PPARG: variants seen among roughly 807,000 people sequenced by gnomAD.
PPARG encodes peroxisome proliferator-activated receptor gamma.
Under a neutral mutation model 39.2 loss-of-function variants are expected in PPARG, and 17 were observed. The ratio of observed to expected loss-of-function variants is 0.43; its 90% CI spans 0.30 to 0.65. The LOEUF (loss-of-function observed/expected upper bound fraction) is 0.65. Among genes scored for constraint, PPARG ranks in the 30% least tolerant of loss-of-function variants. PPARG has a pLI of 0.13. For missense variants in PPARG, 406 were observed against 585.9 expected, an observed-to-expected ratio of 0.69 and a Z score of 3.17; for synonymous variants, 223 against 215.7, an observed-to-expected ratio of 1.03 and a Z score of -0.30.
intron 2 of PPARG, among the ~76,000 whole-genome samples, chr3:12,357,062 C>T (rs955324910): frequency 2.6e-5 from 4 of 152,114 alleles, no homozygotes; most frequent in Non-Finnish European, 4.4e-5. Flanking sequence ...TCCAGGACAC[C>T]GTCTGTGCCT....
At chr3:12,335,571 C>T (rs1023236832) in intron 2 of PPARG, among the ~76,000 whole-genome samples, 2 of 152,100 alleles carry the variant, frequency 1.3e-5, no homozygotes, top group African/African-American at 4.8e-5. Flanking sequence ...GTAATTGAAA[C>T]GGGCATTACT....
intron 2 of PPARG, among the ~76,000 whole-genome samples, chr3:12,343,558 A>G (rs1041957674): frequency 6.6e-6 from 1 of 152,230 alleles, no homozygotes; most frequent in Non-Finnish European, 1.5e-5. Context: ...GTACTGCAGT[A>G]GAGGCAGAAT....
At chr3:12,369,983 G>C (rs570232504) in intron 2 of PPARG, among the ~76,000 whole-genome samples, 2 of 152,218 alleles carry the variant, frequency 1.3e-5, no homozygotes, top group East Asian at 3.9e-4. Flanking sequence ...TGTATCTGTA[G>C]CCTGGGACTA....
intron 2 of PPARG, among the ~76,000 whole-genome samples, chr3:12,336,964 A>G (rs866777725): frequency 3.4e-4 from 51 of 152,234 alleles, no homozygotes; most frequent in Admixed American, 2.9e-3. Context: ...CAATCAATCA[A>G]TCAAGTCTTG....
At chr3:12,308,095 T>C (rs2047122950) in intron 1 of PPARG, among the ~76,000 whole-genome samples, 1 of 152,084 alleles carries the variant, frequency 6.6e-6, no homozygotes, top group Non-Finnish European at 1.5e-5. Flanking sequence ...CCGTGCACAG[T>C]GACTCACACC....
intron 2 of PPARG, among the ~76,000 whole-genome samples, chr3:12,373,328 G>A (rs2049287987): frequency 6.6e-6 from 1 of 152,080 alleles, no homozygotes; most frequent in Admixed American, 6.5e-5. Flanking sequence ...GTGTGTTTGG[G>A]CAATGTTTTC....
chr3:12,400,287 GTT>G (rs2050426383), intron 5 of PPARG, among the ~76,000 whole-genome samples: 1 of 152,290 alleles, frequency 6.6e-6, no homozygotes, highest in East Asian at 1.9e-4. Flanking sequence ...TTAGGTAGAT[GTT>G]TTAAAAACAT....
Position 12,389,768 on chromosome 3 carries a change from A to G in PPARG, c.391-2846A>G, listed in dbSNP as rs143086128. On this transcript the variant is annotated intron_variant, in intron 4 of 7. Transcript: ENST00000651735. The stretch of plus-strand genomic sequence containing the variant: ...AAAAAAGAGCCAGGTATGGTGGTGC[A>G]TGCCTATAATCCCAGCTACCCAGAA... 8.5e-5 allele frequency among the ~76,000 whole-genome samples: 13 copies of G among 152,202 alleles called. No individual in the cohort carries two copies. In the East Asian group the frequency reaches 2.3e-3, roughly 27 times the overall value.
At chr3:12,379,356 C>A (rs562145898) in intron 2 of PPARG, among the ~76,000 whole-genome samples, 1 of 152,158 alleles carries the variant, frequency 6.6e-6, no homozygotes, top group African/African-American at 2.4e-5. Context: ...TAAAGCTGGA[C>A]AAAATTTTAA....
At chr3:12,336,237 A>C (rs1444654940) in intron 2 of PPARG, among the ~76,000 whole-genome samples, 1 of 152,216 alleles carries the variant, frequency 6.6e-6, no homozygotes, top group East Asian at 1.9e-4. Context: ...GTTTGCGAAC[A>C]CATTCTAAAC....
At chr3:12,308,428 G>A (rs1227211540) in intron 1 of PPARG, among the ~76,000 whole-genome samples, 2 of 151,184 alleles carry the variant, frequency 1.3e-5, no homozygotes, top group South Asian at 2.1e-4. Flanking sequence ...TGGAGGATGG[G>A]CAAAATATCA....
At chr3:12,389,176 G>A (rs1175120060) in intron 4 of PPARG, among the ~76,000 whole-genome samples, 4 of 152,134 alleles carry the variant, frequency 2.6e-5, no homozygotes, top group African/African-American at 7.2e-5. Flanking sequence ...TTTTGCCAGT[G>A]TAATTATATA....
intron 2 of PPARG, among the ~76,000 whole-genome samples, chr3:12,316,142 G>C (rs368902894): frequency 6.6e-6 from 1 of 152,174 alleles, no homozygotes; most frequent in African/African-American, 2.4e-5. Flanking sequence ...GCATAAAGCC[G>C]TTTAAAATCA....
chr3:12,425,993 C>T (rs1302907880), intron 7 of PPARG, among the ~76,000 whole-genome samples: 1 of 152,144 alleles, frequency 6.6e-6, no homozygotes, highest in Non-Finnish European at 1.5e-5. Context: ...GAAAGGGTTG[C>T]CCACCCTGTC....
At chr3:12,390,858 C>T (rs901443099) in intron 4 of PPARG, among the ~76,000 whole-genome samples, 1 of 151,830 alleles carries the variant, frequency 6.6e-6, no homozygotes, top group African/African-American at 2.4e-5. Flanking sequence ...ACCTTGTTGC[C>T]CAGGCTAGTC....
chr3:12,398,374 G>T (rs1028561865), intron 5 of PPARG, among the ~76,000 whole-genome samples: 15 of 152,182 alleles, frequency 9.9e-5, no homozygotes. Flanking sequence ...ATCTAATTTG[G>T]GTGATAGAAT....
chr3:12,384,892 C>T (rs79230081), intron 4 of PPARG, among the ~76,000 whole-genome samples: 1 of 151,996 alleles, frequency 6.6e-6, no homozygotes, highest in Non-Finnish European at 1.5e-5. Context: ...TAAAGATAGC[C>T]CACATAAACA....
chr3:12,334,745 C>A (rs988691832), intron 2 of PPARG, among the ~76,000 whole-genome samples: 1 of 152,082 alleles, frequency 6.6e-6, no homozygotes, highest in Non-Finnish European at 1.5e-5. Flanking sequence ...AGTCAAAGCC[C>A]CCCTGTCCTG....
At chr3:12,310,568 A>G (rs1166256686) in intron 1 of PPARG, among the ~76,000 whole-genome samples, 3 of 85,590 alleles carry the variant, frequency 3.5e-5, no homozygotes, top group Non-Finnish European at 7.1e-5. Flanking sequence ...GGTTCACGCC[A>G]TTCTCCTGCC....
Sources: allele counts gnomAD v4.1 joint callset (sites outside exome capture counted in the v4.1 genomes callset), GRCh38; gene constraint gnomAD v4.1.1; transcripts MANE v1.5; gene names NCBI Gene and HGNC (gene_info 2026-07-23, HGNC 2026-07-21).